GABRR3: variants seen among roughly 807,000 people sequenced by gnomAD.
The protein encoded by GABRR3 is gamma-aminobutyric acid type A receptor subunit rho3, also known as gamma-aminobutyric acid receptor subunit rho-3.
In GABRR3, 29 loss-of-function variants were observed where a neutral mutation model predicts 43.2. The observed-to-expected ratio is 0.67, with a 90% CI of 0.50 to 0.92. The LOEUF is 0.92. Among genes scored for constraint, GABRR3 ranks in the 40% least tolerant of loss-of-function variants. GABRR3 has a pLI of 0.00. For synonymous variants in GABRR3, 206 were observed against 195.9 expected (o/e 1.05, Z -0.43); for missense variants, 576 against 572.3 (o/e 1.01, Z -0.07).
intron 7 of GABRR3, among the ~76,000 whole-genome samples, chr3:98,003,908 C>A (rs1156720868): frequency 6.6e-6 from 1 of 152,148 alleles, no homozygotes; most frequent in Non-Finnish European, 1.5e-5. Context: ...AGTAATAAAT[C>A]ACTTCATACC....
chr3:98,007,029 G>T (rs578180434), intron 7 of GABRR3, among the ~76,000 whole-genome samples: 96 of 152,246 alleles, frequency 6.3e-4, no homozygotes, highest in African/African-American at 2.3e-3. Flanking sequence ...TGCTGCAGAA[G>T]AAATGGTGAG....
exon 10 of GABRR3, chr3:97,986,808 A>G: frequency 1.2e-6 from 2 of 1,612,110 alleles, no homozygotes; most frequent in Non-Finnish European, 1.7e-6. Context: ...CCTCCTAGGG[A>G]TTTTCTTCTC....
chr3:98,016,918 T>C (rs1253746164), intron 4 of GABRR3, among the ~76,000 whole-genome samples: 1 of 151,984 alleles, frequency 6.6e-6, no homozygotes, highest in African/African-American at 2.4e-5. Flanking sequence ...TATTAAAACA[T>C]AAAAATAGCC....
rs1576054939 is a variant in GABRR3, at chr3:98,034,788, G to A, written c.125+75C>T. On this transcript the variant is annotated intron_variant, in intron 2 of 9. Transcript: ENST00000621172. ...GCTACCATTAAAGATACGTTTCCAGGTTTCCTGTAGGTCTGAGACAACTGT... is the reference window on the plus strand; with the variant it reads ...GCTACCATTAAAGATACGTTTCCAGATTTCCTGTAGGTCTGAGACAACTGT... 7 of 1,556,394 alleles carry A rather than the reference G, an allele frequency of 4.5e-6. No homozygotes were observed. The East Asian group carries it at 1.1e-4, about 25-fold the overall frequency.
At chr3:98,004,934 C>T (rs1169289180) in intron 7 of GABRR3, among the ~76,000 whole-genome samples, 4 of 151,832 alleles carry the variant, frequency 2.6e-5, no homozygotes, top group East Asian at 1.9e-4. Flanking sequence ...TTTAATGATT[C>T]GTGGATAATG....
chr3:98,009,099 T>G lies in GABRR3; in HGVS notation c.531-61A>C, dbSNP rs1054316852. 5.7e-6 allele frequency: 6 copies of G among 1,060,232 alleles called. No individual in the cohort carries two copies. The African/African-American group carries it at 6.4e-5, about 11-fold the overall frequency. 65.7% of individuals were successfully genotyped at this position (1,060,232 alleles called of 1,614,324 possible). A position where few individuals can be genotyped will look rare whatever the true frequency, so the allele number is the denominator to read the frequency against. The stretch of plus-strand genomic sequence containing the variant: ...ATTTAACCATCTGGCCAAATGAGCA[T>G]GCAACATTGAAGCTTTCTTACTGTT... On this transcript the variant is annotated intron_variant, in intron 5 of 9. Coordinates refer to ENST00000621172, the Ensembl canonical transcript of GABRR3.
intron 8 of GABRR3, 26 bp from the exon 9 acceptor site, chr3:97,993,074 T>C (rs886415732): frequency 1.3e-6 from 2 of 1,547,302 alleles, no homozygotes; most frequent in Non-Finnish European, 1.8e-6. Flanking sequence ...AGTGGCAAGC[T>C]CAGTGATATA....
intron 7 of GABRR3, among the ~76,000 whole-genome samples, chr3:98,002,780 A>G (rs1021718929): frequency 3.9e-5 from 6 of 152,176 alleles, no homozygotes; most frequent in African/African-American, 1.4e-4. Flanking sequence ...AAACACAGGG[A>G]CTATAGGTCA....
chr3:98,022,527 C>T (rs1469491045), intron 3 of GABRR3, among the ~76,000 whole-genome samples: 8 of 152,178 alleles, frequency 5.3e-5, no homozygotes, highest in Admixed American at 4.6e-4. Flanking sequence ...CTTTTATATT[C>T]TGCAGTCTGA....
chr3:98,010,155 C>T (rs533998339), intron 5 of GABRR3, among the ~76,000 whole-genome samples: 1 of 152,170 alleles, frequency 6.6e-6, no homozygotes, highest in African/African-American at 2.4e-5. Context: ...ACTCGCAGAA[C>T]CCAGCAAAGC....
intron 4 of GABRR3, among the ~76,000 whole-genome samples, chr3:98,016,154 A>G (rs766662886): frequency 2.0e-5 from 3 of 152,106 alleles, no homozygotes; most frequent in Non-Finnish European, 2.9e-5. Context: ...ACCTCCCACA[A>G]GGTCCCTCCC....
At chr3:97,991,387 C>T (rs1041081971) in intron 9 of GABRR3, among the ~76,000 whole-genome samples, 2 of 152,180 alleles carry the variant, frequency 1.3e-5, no homozygotes, top group East Asian at 1.9e-4. Flanking sequence ...TAGAGTTTAA[C>T]GAGGACCCGG....
exon 1 of GABRR3, chr3:98,035,230 A>T (rs982167147): frequency 3.4e-5 from 17 of 495,756 alleles, no homozygotes; most frequent in South Asian, 3.3e-4. Context: ...GCAGATTTTT[A>T]AAATTTTCAG....
intron 7 of GABRR3, among the ~76,000 whole-genome samples, chr3:98,005,642 A>C (rs1474977590): frequency 6.6e-6 from 1 of 152,198 alleles, no homozygotes; most frequent in Non-Finnish European, 1.5e-5. Context: ...GGTAGGGCTC[A>C]AAAAGTCTGA....
At chr3:98,001,664 C>A (rs751378563) in exon 8 of GABRR3, 8 of 1,613,154 alleles carry the variant, frequency 5.0e-6, no homozygotes, top group Admixed American at 1.7e-5. Context: ...AAAATGAAAC[C>A]CATGAAAGCA....
At chr3:98,034,762 T>C (rs1310167550) in intron 2 of GABRR3, 101 bp downstream of exon 2, 2 of 1,378,998 alleles carry the variant, frequency 1.5e-6, no homozygotes. Context: ...TACAAAGATG[T>C]GCTACCATTA....
exon 10 of GABRR3, chr3:97,986,867 A>G (rs1442625019): frequency 1.9e-6 from 3 of 1,612,242 alleles, no homozygotes; most frequent in Admixed American, 3.3e-5. Flanking sequence ...TTTTCTTCTC[A>G]TGAAGTCTTC....
At chr3:98,035,307 A>C, upstream of GABRR3, 1 of 254,390 alleles carries the variant, frequency 3.9e-6, no homozygotes. Flanking sequence ...TACTCAGTAA[A>C]CCCTCAGCGG....
intron 5 of GABRR3, among the ~76,000 whole-genome samples, chr3:98,009,288 C>T (rs956382597): frequency 1.3e-5 from 2 of 152,096 alleles, no homozygotes; most frequent in African/African-American, 4.8e-5. Context: ...TTCACCATTT[C>T]CTGATCAGCC....
Sources: gnomAD v4.1 joint callset for allele counts (sites outside exome capture counted in the v4.1 genomes callset) on GRCh38, gnomAD v4.1.1 for gene constraint, MANE v1.5 for transcripts, NCBI Gene and HGNC (gene_info 2026-07-23, HGNC 2026-07-21) for gene names.